Variants in SYMPK observed in about 807,000 individuals in gnomAD.
SYMPK encodes the protein symplekin scaffold protein.
A neutral mutation model predicts 136.4 loss-of-function variants in SYMPK; 49 were observed. The ratio of observed to expected loss-of-function variants is 0.36; its 90% CI spans 0.29 to 0.46. The LOEUF (loss-of-function observed/expected upper bound fraction) is 0.46, where lower values mean the gene tolerates loss of function less well. Ranked by LOEUF, SYMPK falls within the 20% of genes least tolerant of loss-of-function variation. SYMPK has a pLI of 1.00. For synonymous variants in SYMPK, 766 were observed against 713.0 expected, an observed-to-expected ratio of 1.07 and a Z score of -1.19; for missense variants, 1,365 against 1,690.0, an observed-to-expected ratio of 0.81 and a Z score of 3.37.
At chr19:45,818,247 C>G (rs1316682113) in intron 22 of SYMPK, 101 bp from the exon 23 acceptor site, 1 of 1,266,866 alleles carries the variant, frequency 7.9e-7, no homozygotes, top group African/African-American at 1.5e-5. Flanking sequence ...GGGAAGACTT[C>G]TAAAGCCCTG....
chr19:45,856,397 T>A (rs1041630848), intron 1 of SYMPK, among the ~76,000 whole-genome samples: 2 of 152,184 alleles, frequency 1.3e-5, no homozygotes, highest in Non-Finnish European at 2.9e-5. Context: ...GACAGCCTGT[T>A]GCATCAGAGG....
chr19:45,844,230 G>A (rs1971509902), intron 7 of SYMPK, 30 bp from the exon 8 acceptor site: 1 of 1,522,604 alleles, frequency 6.6e-7, no homozygotes. Context: ...ACCAGTCAGT[G>A]GGATCCGTTT....
intron 7 of SYMPK, 140 bp downstream of exon 7, chr19:45,847,612 T>C (rs971508080): frequency 2.0e-6 from 2 of 1,022,744 alleles, no homozygotes; most frequent in South Asian, 1.7e-5. Flanking sequence ...GATCTGAACC[T>C]AGCACCAGGG....
chr19:45,828,717 G>A (rs1324973525), intron 14 of SYMPK: 2 of 547,202 alleles, frequency 3.7e-6, no homozygotes, highest in South Asian at 2.2e-5. Flanking sequence ...GAGTGACAAA[G>A]CCACGCAGAG....
rs760668071 is a variant in SYMPK at position 45,827,499 on chromosome 19, G to A, written c.2181+11C>T. 29 of 1,605,934 alleles carry A rather than the reference G, an allele frequency of 1.8e-5. No individual in the cohort carries two copies. Among genetic ancestry groups the A allele is most frequent in the Non-Finnish European group, 2.5e-5 (29 of 1,172,766 alleles). On this transcript the variant is annotated intron_variant, in intron 16 of 26. Coordinates refer to ENST00000245934, the MANE Select transcript of SYMPK (RefSeq NM_004819.3). ...GGCTGAGGGCAGCCAGGAAGTGGAGGAGGGGATCACCTTGTCCTTCTCATG... is the reference window on the plus strand; with the variant it reads ...GGCTGAGGGCAGCCAGGAAGTGGAGAAGGGGATCACCTTGTCCTTCTCATG...
chr19:45,859,507 T>C lies in SYMPK; in HGVS notation c.-13+3551A>G, dbSNP rs181175326. On this transcript the variant is annotated intron_variant, in intron 1 of 26. Coordinates refer to ENST00000245934, the MANE Select transcript of SYMPK (RefSeq NM_004819.3). ...CCCAGCTACTTGGGAGGCTGAGGCA[T>C]GAGAATTACCTGAGCCTGGGAGGCA... Among the ~76,000 whole-genome samples, 4 of 151,598 alleles carry C rather than the reference T, an allele frequency of 2.6e-5. No individual in the cohort carries two copies. The East Asian group carries it at 7.8e-4, about 30-fold the overall frequency.
Position 45,825,332 on chromosome 19 carries a change from C to CTT in SYMPK, c.2330-2_2330-1insAA, listed in dbSNP as rs749381954. 1 of 1,613,378 alleles carries CTT rather than the reference C, an allele frequency of 6.2e-7. No homozygotes were observed. The highest frequency in any genetic ancestry group is 8.5e-7 in the Non-Finnish European group (1 of 1,179,576). On this transcript the variant is annotated splice_acceptor_variant, in intron 17 of 26. Transcript: ENST00000245934. LOFTEE classifies it high-confidence loss of function. ...TCCTCCGTCCAGGGTGCTGCCACCTCTGACAGGGCAGGAGCGGGCATCAGA... is the reference window on the plus strand; with the variant it reads ...TCCTCCGTCCAGGGTGCTGCCACCTCTTTGACAGGGCAGGAGCGGGCATCAGA...
chr19:45,828,890 T>C (rs1036269510), intron 14 of SYMPK, 80 bp downstream of exon 14: 9 of 1,372,326 alleles, frequency 6.6e-6, no homozygotes, highest in African/African-American at 2.9e-5. Context: ...AAGAGGGAGG[T>C]GGTCGCAATC....
intron 1 of SYMPK, among the ~76,000 whole-genome samples, chr19:45,857,894 G>C (rs1405033105): frequency 6.6e-6 from 1 of 151,494 alleles, no homozygotes; most frequent in Non-Finnish European, 1.5e-5. Context: ...CACCCTCCCA[G>C]GTTCAAGCAA....
chr19:45,862,754 G>C (rs1016270058), intron 1 of SYMPK, among the ~76,000 whole-genome samples: 4 of 152,216 alleles, frequency 2.6e-5, no homozygotes, highest in Non-Finnish European at 5.9e-5. Flanking sequence ...CCCCGAAGCG[G>C]GAAAGCGCAT....
At chr19:45,835,772 C>A (rs1055501885) in intron 10 of SYMPK, among the ~76,000 whole-genome samples, 1 of 151,938 alleles carries the variant, frequency 6.6e-6, no homozygotes, top group South Asian at 2.1e-4. Flanking sequence ...ATTAGCCTGG[C>A]GCAGCAGCAT....
At position 45,815,522 on chromosome 19, in the gene SYMPK, C is replaced by T. The variant is rs1406581683; in HGVS notation, c.*38G>A. ...CAAGCCCCGCCCCGTCCCCCAGCCC[C>T]GAGTCCCTGTCCCACCCCCTTTCCC... On this transcript the variant is annotated 3_prime_UTR_variant, in exon 27 of 27. Transcript: ENST00000245934. The T allele has an allele frequency of 7.1e-7, 1 of 1,408,472 alleles. No homozygotes were observed. The highest frequency in any genetic ancestry group is 9.5e-7 in the Non-Finnish European group (1 of 1,054,538). The allele number at this position is 1,408,472 out of a possible 1,614,324, so 87.2% of individuals were successfully genotyped here. A position where few individuals can be genotyped will look rare whatever the true frequency, so the allele number is the denominator to read the frequency against.
In SYMPK at chr19:45,848,872, G is replaced by C. The variant is rs779341455; in HGVS notation, c.304C>G (p.Arg102Gly). 2 of 1,613,924 alleles carry C rather than the reference G, an allele frequency of 1.2e-6. No individual in the cohort carries two copies. The highest frequency in any genetic ancestry group is 1.7e-6 in the Non-Finnish European group (2 of 1,179,992). Reference sequence around the variant, plus strand: ...AGTTTCAGCAGCAACTCAATGTCTCGCTTGCTGAGGGATGGAGAAAAAAGG... The same window carrying C: ...AGTTTCAGCAGCAACTCAATGTCTCCCTTGCTGAGGGATGGAGAAAAAAGG... ...VIGFIEEACK[R>G]DIELLLKLIA... The change falls in exon 6 of 27, where the codon CGA (arginine) becomes GGA (glycine). Residue 102 changes from arginine to glycine, a missense_variant. Arg to Gly is a moderately radical substitution (Grantham distance 125). Around this residue, in one of 11 missense-constraint regions of SYMPK, gnomAD observed 237 missense variants for 292.9 expected, o/e 0.81. Coordinates refer to ENST00000245934, the MANE Select transcript of SYMPK (RefSeq NM_004819.3).
At chr19:45,822,038 A>AT (rs1314030289) in intron 21 of SYMPK, among the ~76,000 whole-genome samples, 12 of 149,400 alleles carry the variant, frequency 8.0e-5, no homozygotes, top group African/African-American at 2.0e-4. Flanking sequence ...GACATCCTCC[A>AT]TTTTTTCTCT....
chr19:45,830,851 T>C (rs1252104989), intron 12 of SYMPK: 1 of 151,914 alleles, frequency 6.6e-6, no homozygotes, highest in Admixed American at 6.6e-5. Context: ...ATCGCGCCAC[T>C]GCACTCCAGC....
chr19:45,837,489 C>T lies in SYMPK; in HGVS notation c.1242+972G>A, dbSNP rs1259585003. On this transcript the variant is annotated intron_variant, in intron 10 of 26. Transcript: ENST00000245934. The stretch of plus-strand genomic sequence containing the variant: ...AAAATTAGCTGGGTGCAGTGGTGGG[C>T]GCTGGTAATCCCAGCTATTCGGGAG... 4.0e-5 allele frequency among the ~76,000 whole-genome samples: 6 copies of T among 151,648 alleles called. No homozygotes were observed. The South Asian group carries it at 1.0e-3, about 26-fold the overall frequency.
At chr19:45,827,391 G>A (rs935511583) in intron 16 of SYMPK, 119 bp downstream of exon 16, 8 of 688,140 alleles carry the variant, frequency 1.2e-5, no homozygotes, top group Non-Finnish European at 2.1e-5. Flanking sequence ...CTGAAAGAAG[G>A]GAATGGGCCC....
At chr19:45,841,620 A>G (rs573066989) in intron 9 of SYMPK, among the ~76,000 whole-genome samples, 1 of 152,310 alleles carries the variant, frequency 6.6e-6, no homozygotes, top group South Asian at 2.1e-4. Context: ...AAATGAAAAA[A>G]TAAATCTTTC....
intron 23 of SYMPK, among the ~76,000 whole-genome samples, chr19:45,817,602 G>A (rs1470536466): frequency 6.6e-6 from 1 of 151,848 alleles, no homozygotes; most frequent in Non-Finnish European, 1.5e-5. Context: ...TGGCCTTATC[G>A]TGGTATTTCT....
Sources: allele counts gnomAD v4.1 joint callset (sites outside exome capture counted in the v4.1 genomes callset), GRCh38; gene constraint gnomAD v4.1.1; regional missense constraint gnomAD v4.1.1; transcripts MANE v1.5; gene names NCBI Gene and HGNC (gene_info 2026-07-23, HGNC 2026-07-21).